Variants in KRT8 observed in about 807,000 individuals in gnomAD.
KRT8 encodes keratin, type II cytoskeletal 8.
Under a neutral mutation model 43.0 loss-of-function variants are expected in KRT8, and 24 were observed. That is an observed-to-expected ratio of 0.56 (90% CI 0.40 to 0.78). The LOEUF (loss-of-function observed/expected upper bound fraction) is 0.78, where lower values mean the gene tolerates loss of function less well. Ranked by LOEUF, KRT8 falls within the 30% of genes least tolerant of loss-of-function variation. The pLI is 0.00. For synonymous variants in KRT8, 214 were observed against 261.2 expected, an observed-to-expected ratio of 0.82 and a Z score of 1.74; for missense variants, 492 against 638.4, an observed-to-expected ratio of 0.77 and a Z score of 2.47.
intron 2 of KRT8, among the ~76,000 whole-genome samples, chr12:52,918,036 G>GA (rs1941782175): frequency 3.1e-4 from 35 of 113,200 alleles, no homozygotes; most frequent in Middle Eastern, 8.5e-3. Context: ...AGAGGAGGAG[G>GA]AGAAGAAGAA....
intron 2 of KRT8, among the ~76,000 whole-genome samples, chr12:52,922,875 G>A (rs1157783989): frequency 2.0e-5 from 3 of 152,158 alleles, no homozygotes; most frequent in Admixed American, 6.5e-5. Context: ...GACAGTCTGG[G>A]AGATGCAGGA....
intron 2 of KRT8, among the ~76,000 whole-genome samples, chr12:52,917,357 A>C (rs1378581829): frequency 6.8e-6 from 1 of 147,282 alleles, no homozygotes; most frequent in Non-Finnish European, 1.5e-5. Context: ...AGCCAAGATC[A>C]CACCATCGCA....
At chr12:52,945,076 G>A (rs753897913) in intron 2 of KRT8, among the ~76,000 whole-genome samples, 10 of 152,050 alleles carry the variant, frequency 6.6e-5, no homozygotes, top group East Asian at 1.9e-4. Flanking sequence ...AAGTATTTAC[G>A]GAGCTCCACC....
intron 1 of KRT8, 98 bp from the exon 2 acceptor site, chr12:52,902,170 C>G: frequency 2.6e-6 from 2 of 768,674 alleles, no homozygotes; most frequent in Non-Finnish European, 4.5e-6. Flanking sequence ...ACTCCTCAAG[C>G]AGTAAGGTCT....
chr12:52,900,180 G>T lies in KRT8; in HGVS notation c.691-115C>A. On this transcript the variant is annotated intron_variant, in intron 4 of 7. Transcript: ENST00000692008. ...GGGGCAGCAGAGGAGAGGAGCAGGT[G>T]GGAGTCAGGGTCAGGGAGAGGGCAA... The T allele has an allele frequency of 1.9e-6, 2 of 1,077,676 alleles. 1 individual carries two copies. The highest frequency in any genetic ancestry group is 3.0e-5 in the South Asian group (2 of 67,100). The allele number at this position is 1,077,676 out of a possible 1,614,324, so 66.8% of individuals were successfully genotyped here. A position where few individuals can be genotyped will look rare whatever the true frequency, so the allele number is the denominator to read the frequency against.
chr12:52,916,438 T>C (rs1049619014), intron 2 of KRT8, among the ~76,000 whole-genome samples: 2 of 152,194 alleles, frequency 1.3e-5, no homozygotes, highest in Non-Finnish European at 2.9e-5. Flanking sequence ...CCCTAGCACC[T>C]TCTGTTCCAG....
chr12:52,915,580 C>T (rs1941721045), intron 2 of KRT8, among the ~76,000 whole-genome samples: 1 of 151,354 alleles, frequency 6.6e-6, no homozygotes, highest in African/African-American at 2.4e-5. Flanking sequence ...CATGGTGGTG[C>T]ATGCCTGTAG....
chr12:52,911,498 G>A (rs1248286227), upstream of KRT8, among the ~76,000 whole-genome samples: 2 of 152,160 alleles, frequency 1.3e-5, no homozygotes, highest in Non-Finnish European at 2.9e-5. Context: ...GAGACAGACA[G>A]ACATATAGTC....
chr12:52,903,791 C>T (rs1206475470), intron 1 of KRT8: 1 of 152,272 alleles, frequency 6.6e-6, no homozygotes, highest in Non-Finnish European at 1.5e-5. Context: ...CGTCCCACGC[C>T]CGCAGACTTT....
At chr12:52,898,782 T>C (rs1565715909) in exon 6 of KRT8, 3 of 1,614,260 alleles carry the variant, frequency 1.9e-6, no homozygotes, top group Non-Finnish European at 1.7e-6. Flanking sequence ...TGCCGCGCCA[T>C]GTCCTGCTTG....
At chr12:52,918,560 G>A (rs1012288546) in intron 2 of KRT8, among the ~76,000 whole-genome samples, 1 of 152,190 alleles carries the variant, frequency 6.6e-6, no homozygotes, top group Non-Finnish European at 1.5e-5. Flanking sequence ...AGCCATGTGT[G>A]ACCAAAACCC....
chr12:52,910,422 C>T (rs1941611789), upstream of KRT8, among the ~76,000 whole-genome samples: 1 of 152,160 alleles, frequency 6.6e-6, no homozygotes, highest in African/African-American at 2.4e-5. Context: ...CTGCAGGTTC[C>T]TGCTTAGAAA....
In KRT8 at chr12:52,918,180, G is replaced by GAAGAAGAAGAAGAAGAAGAAGAA; in HGVS notation, c.-46-13154_-46-13153insTTCTTCTTCTTCTTCTTCTTCTT. On this transcript the variant is annotated intron_variant, in intron 2 of 6. Transcript: ENST00000546826. ...GGGAAGAAGAAGAAGAAGAGGAAGA[G>GAAGAAGAAGAAGAAGAAGAAGAA]GAAGAAGAAGAAGAAGAAGAAGAAC... Among the ~76,000 whole-genome samples the GAAGAAGAAGAAGAAGAAGAAGAA allele has an allele frequency of 1.4e-4, 10 of 73,818 alleles. 1 individual carries two copies. The highest frequency in any genetic ancestry group is 0.019 in the Middle Eastern group (2 of 104). 48.4% of individuals were successfully genotyped at this position (73,818 alleles called of 152,430 possible).
Position 52,901,854 on chromosome 12 carries a change from A to T in KRT8, c.533+10T>A, listed in dbSNP as rs1387450273. On this transcript the variant is annotated intron_variant, in intron 2 of 7. Transcript: ENST00000692008. The stretch of plus-strand genomic sequence containing the variant: ...TGACTTCAGTTGGGTGGAGGGTGGG[A>T]GTTGCTCACTTGTTCTTGAAGTCCT... 2 of 1,591,172 alleles carry T rather than the reference A, an allele frequency of 1.3e-6. No homozygotes were observed. The highest frequency in any genetic ancestry group is 2.2e-5 in the East Asian group (1 of 44,792).
intron 1 of KRT8, among the ~76,000 whole-genome samples, chr12:52,903,806 C>A (rs1407394697): frequency 6.6e-6 from 1 of 152,102 alleles, no homozygotes; most frequent in Admixed American, 6.5e-5. Flanking sequence ...GACTTTGAAT[C>A]CTGCATGGGC....
upstream of KRT8, chr12:52,905,218 C>T: frequency 1.5e-6 from 1 of 654,674 alleles, no homozygotes; most frequent in Non-Finnish European, 2.5e-6. Flanking sequence ...CAGAGAGCTG[C>T]CGCCACCCAA....
chr12:52,918,197 A>AAGAAGAAGAAGAAGAAGG lies in KRT8; in HGVS notation c.-46-13171_-46-13170insCCTTCTTCTTCTTCTTCT, dbSNP rs1565725657. 2.4e-4 allele frequency among the ~76,000 whole-genome samples: 29 copies of AAGAAGAAGAAGAAGAAGG among 123,396 alleles called. 2 individuals carry two copies. The highest frequency in any genetic ancestry group is 3.5e-4 in the Non-Finnish European group (21 of 59,946). The allele number at this position is 123,396 out of a possible 152,430, so 81.0% of individuals were successfully genotyped here. A position where few individuals can be genotyped will look rare whatever the true frequency, so the allele number is the denominator to read the frequency against. ...GAGGAAGAGGAAGAAGAAGAAGAAG[A>AAGAAGAAGAAGAAGAAGG]AGAAGAACAAGAAGAAGAAGAAGAA... On this transcript the variant is annotated intron_variant, in intron 2 of 6. Transcript: ENST00000546826.
chr12:52,910,257 G>A (rs903480074), upstream of KRT8, among the ~76,000 whole-genome samples: 2 of 152,072 alleles, frequency 1.3e-5, no homozygotes, highest in East Asian at 1.9e-4. Context: ...AACAGTATAC[G>A]TGCTCAGGTC....
chr12:52,906,236 G>A (rs1941515063), upstream of KRT8, among the ~76,000 whole-genome samples: 1 of 152,184 alleles, frequency 6.6e-6, no homozygotes, highest in South Asian at 2.1e-4. Flanking sequence ...AGAAGGCAGA[G>A]AACGCAGGGG....
Sources: gnomAD v4.1 joint callset for allele counts (sites outside exome capture counted in the v4.1 genomes callset) on GRCh38, gnomAD v4.1.1 for gene constraint, MANE v1.5 for transcripts, NCBI Gene and HGNC (gene_info 2026-07-23, HGNC 2026-07-21) for gene names.